Variants in TUBA1C observed in about 807,000 individuals in gnomAD.
TUBA1C encodes the protein tubulin alpha 1c, also known as tubulin alpha-1C chain.
TUBA1C carries 16 observed loss-of-function variants against 34.9 expected under a neutral mutation model. The ratio of observed to expected loss-of-function variants is 0.46; its 90% confidence interval spans 0.31 to 0.70. The LOEUF is 0.70. Among genes scored for constraint, TUBA1C ranks in the 30% least tolerant of loss-of-function variants. TUBA1C has a pLI of 0.05. For synonymous variants in TUBA1C, 177 were observed against 215.9 expected (o/e 0.82, Z 1.58); for missense variants, 329 against 587.3 (o/e 0.56, Z 4.55).
intron 1 of TUBA1C, among the ~76,000 whole-genome samples, chr12:49,242,378 A>G (rs1409364392): frequency 6.6e-6 from 1 of 152,192 alleles, no homozygotes; most frequent in Non-Finnish European, 1.5e-5. Flanking sequence ...TTTGTAGAAA[A>G]TATTACTTAA....
chr12:49,248,691 G>A (rs1232861449), intron 1 of TUBA1C, among the ~76,000 whole-genome samples: 1 of 151,064 alleles, frequency 6.6e-6, no homozygotes, highest in Non-Finnish European at 1.5e-5. Context: ...GTGAAACTCC[G>A]TCTCTACTAA....
At chr12:49,268,722 C>T (rs1942948747) in intron 1 of TUBA1C, among the ~76,000 whole-genome samples, 1 of 152,160 alleles carries the variant, frequency 6.6e-6, no homozygotes, top group Non-Finnish European at 1.5e-5. Flanking sequence ...TGCTGCTTAT[C>T]CAGCATTTTC....
At chr12:49,258,948 G>A (rs113543437) in intron 1 of TUBA1C, among the ~76,000 whole-genome samples, 8,637 of 151,520 alleles carry the variant, frequency 0.057, 347 homozygotes, top group South Asian at 0.12. Context: ...TAGTAGAGAC[G>A]GGGTTTCTCC....
chr12:49,271,906 C>CA (rs1026746886), intron 3 of TUBA1C, among the ~76,000 whole-genome samples: 64 of 152,208 alleles, frequency 4.2e-4, no homozygotes, highest in African/African-American at 1.4e-3. Context: ...ATAGTCTTAG[C>CA]AAAGGTTTTT....
At chr12:49,247,947 CAAA>C (rs59651984) in intron 1 of TUBA1C, among the ~76,000 whole-genome samples, 5 of 86,480 alleles carry the variant, frequency 5.8e-5, no homozygotes, top group Admixed American at 2.6e-4. Context: ...GATTCCGTCT[CAAA>C]AAAAAAAAAA....
intron 1 of TUBA1C, among the ~76,000 whole-genome samples, chr12:49,265,427 A>T (rs1394490984): frequency 1.3e-5 from 2 of 152,168 alleles, no homozygotes; most frequent in Admixed American, 6.5e-5. Flanking sequence ...TCTTGATCCT[A>T]GTGAGGGCTT....
At chr12:49,260,052 T>C (rs1175395738) in intron 1 of TUBA1C, among the ~76,000 whole-genome samples, 1 of 152,202 alleles carries the variant, frequency 6.6e-6, no homozygotes, top group Non-Finnish European at 1.5e-5. Context: ...ATTTATTAAA[T>C]AAATGTTACT....
upstream of TUBA1C, chr12:49,265,015 G>A (rs571994332): frequency 1.9e-6 from 2 of 1,040,572 alleles, no homozygotes; most frequent in South Asian, 8.4e-5. Flanking sequence ...CGGGGTCTGG[G>A]GCCCGCCCTC....
upstream of TUBA1C, among the ~76,000 whole-genome samples, chr12:49,262,141 G>A (rs975167980): frequency 1.3e-5 from 2 of 151,664 alleles, no homozygotes; most frequent in Non-Finnish European, 2.9e-5. Context: ...TTAGCCAGGC[G>A]TGGTGGCTCA....
At chr12:49,234,992 A>T (rs1942537259) in intron 1 of TUBA1C, among the ~76,000 whole-genome samples, 1 of 151,092 alleles carries the variant, frequency 6.6e-6, no homozygotes, top group Admixed American at 6.6e-5. Context: ...TGATTTTTGT[A>T]TTTTTAGTAG....
At chr12:49,271,417 G>T (rs1210959901) in intron 3 of TUBA1C, among the ~76,000 whole-genome samples, 2 of 152,190 alleles carry the variant, frequency 1.3e-5, no homozygotes, top group Non-Finnish European at 2.9e-5. Flanking sequence ...AATTGTGGTT[G>T]TGTCACTTTA....
intron 1 of TUBA1C, among the ~76,000 whole-genome samples, chr12:49,258,914 G>A (rs563566128): frequency 5.1e-4 from 77 of 151,406 alleles, no homozygotes; most frequent in Non-Finnish European, 1.0e-3. Flanking sequence ...GTGCCACCAC[G>A]CCTGGCTAAC....
In TUBA1C at chr12:49,273,569, G is replaced by A. The variant is rs188061437; in HGVS notation, c.*342G>A. The A allele has an allele frequency of 1.5e-4, 57 of 368,776 alleles. No individual in the cohort carries two copies. The highest frequency in any genetic ancestry group is 1.3e-3 in the Admixed American group (34 of 25,734). 22.8% of individuals were successfully genotyped at this position (368,776 alleles called of 1,614,324 possible). ...CCATGCCCAGCTATTTTTATTTCTT[G>A]TAGAGATGGGGCCTTGCTATGCTGC... On this transcript the variant is annotated 3_prime_UTR_variant, in exon 4 of 4. Coordinates refer to ENST00000301072, the MANE Select transcript of TUBA1C (RefSeq NM_032704.5).
At chr12:49,265,761 A>G (rs943049620) in intron 1 of TUBA1C, among the ~76,000 whole-genome samples, 30 of 152,150 alleles carry the variant, frequency 2.0e-4, no homozygotes, top group Non-Finnish European at 1.9e-4. Context: ...CACGTTGCCT[A>G]ATCCTGCATT....
intron 3 of TUBA1C, among the ~76,000 whole-genome samples, chr12:49,271,881 A>G (rs1310747653): frequency 6.6e-6 from 1 of 152,234 alleles, no homozygotes; most frequent in Non-Finnish European, 1.5e-5. Flanking sequence ...GCCTAAGGCA[A>G]TAGTTCATCT....
At chr12:49,247,429 C>T (rs1055960493) in intron 1 of TUBA1C, among the ~76,000 whole-genome samples, 2 of 142,354 alleles carry the variant, frequency 1.4e-5, no homozygotes, top group African/African-American at 4.9e-5. Context: ...TGGTGGCATG[C>T]ACCTGTAATC....
chr12:49,265,964 A>C (rs957285108), intron 1 of TUBA1C, among the ~76,000 whole-genome samples: 16 of 139,996 alleles, frequency 1.1e-4, no homozygotes, highest in Non-Finnish European at 2.3e-4. Flanking sequence ...CTTTAAAAAA[A>C]AAAAAAAACA....
At chr12:49,270,990 C>T (rs1159615075) in intron 3 of TUBA1C, among the ~76,000 whole-genome samples, 1 of 151,790 alleles carries the variant, frequency 6.6e-6, no homozygotes, top group South Asian at 2.1e-4. Flanking sequence ...AAAAAACAAA[C>T]AAACAAAAAA....
At chr12:49,260,318 CAGTT>C (rs886078448), upstream of TUBA1C, among the ~76,000 whole-genome samples, 54 of 152,180 alleles carry the variant, frequency 3.5e-4, no homozygotes, top group African/African-American at 1.3e-3. Context: ...TCAGTTGTTT[CAGTT>C]AGTCACCGAG....
Sources: allele counts gnomAD v4.1 joint callset (sites outside exome capture counted in the v4.1 genomes callset), GRCh38; gene constraint gnomAD v4.1.1; transcripts MANE v1.5; gene names NCBI Gene and HGNC (gene_info 2026-07-23, HGNC 2026-07-21).